Variants in GNS observed in about 807,000 individuals in gnomAD.
GNS encodes glucosamine (N-acetyl)-6-sulfatase.
A neutral mutation model predicts 69.7 loss-of-function variants in GNS; 40 were observed. The ratio of observed to expected loss-of-function variants is 0.57; its 90% CI spans 0.45 to 0.75. GNS has a LOEUF of 0.75. Ranked by LOEUF, GNS falls within the 30% of genes least tolerant of loss-of-function variation. GNS has a pLI of 0.00. For synonymous variants in GNS, 243 were observed against 251.6 expected (o/e 0.97, Z 0.32); for missense variants, 565 against 685.5 (o/e 0.82, Z 1.96).
intron 10 of GNS, among the ~76,000 whole-genome samples, chr12:64,726,929 A>T (rs1592494875): frequency 1.6e-4 from 3 of 18,696 alleles, no homozygotes; most frequent in Non-Finnish European, 2.7e-4. Flanking sequence ...ATAACACAAT[A>T]AAAAAAAAAA....
rs1317761050 is a variant in GNS, at chr12:64,715,496, T to A, written c.*1245A>T. On this transcript the variant is annotated 3_prime_UTR_variant, in exon 14 of 14. Coordinates refer to ENST00000258145, the MANE Select transcript of GNS (RefSeq NM_002076.4). ...TCATGCCATTGCACTCCAGCCTGGG[T>A]GACATAGTGAGACTCTGTCCCCACT... is the stretch of plus-strand genomic sequence containing the variant. 6.5e-6 allele frequency: 1 copy of A among 153,260 alleles called. No individual in the cohort carries two copies. The highest frequency in any genetic ancestry group is 1.5e-5 in the Non-Finnish European group (1 of 68,210). The allele number at this position is 153,260 out of a possible 1,614,324, so 9.5% of individuals were successfully genotyped here. A position where few individuals can be genotyped will look rare whatever the true frequency, so the allele number is the denominator to read the frequency against.
chr12:64,724,538 G>A (rs1170348691), intron 10 of GNS, among the ~76,000 whole-genome samples: 1 of 152,210 alleles, frequency 6.6e-6, no homozygotes, highest in Non-Finnish European at 1.5e-5. Flanking sequence ...CAGGATCTCA[G>A]AAATCATGAG....
Position 64,716,384 on chromosome 12 carries a change from A to G in GNS, c.*357T>C, listed in dbSNP as rs554471490. 5.2e-4 allele frequency: 183 copies of G among 349,536 alleles called. 2 individuals are homozygous for G. Among genetic ancestry groups the G allele is most frequent in the Middle Eastern group, 9.6e-4 (1 of 1,046 alleles). 21.7% of individuals were successfully genotyped at this position (349,536 alleles called of 1,614,324 possible). A position where few individuals can be genotyped will look rare whatever the true frequency, so the allele number is the denominator to read the frequency against. ...GTGTCTGTGTGTTTGTGTGTGTCCT[A>G]AAGTACTGCCATTTATCTGAATGGG... On this transcript the variant is annotated 3_prime_UTR_variant, in exon 14 of 14. Transcript: ENST00000258145.
chr12:64,729,081 T>C (rs767616183), intron 9 of GNS, 24 bp from the exon 10 acceptor site: 4 of 1,180,388 alleles, frequency 3.4e-6, no homozygotes, highest in South Asian at 2.4e-5. Flanking sequence ...GGAAAAACAA[T>C]CTAGAACACA....
At chr12:64,730,611 C>T (rs1248873630) in intron 9 of GNS, among the ~76,000 whole-genome samples, 2 of 152,088 alleles carry the variant, frequency 1.3e-5, no homozygotes, top group Non-Finnish European at 2.9e-5. Flanking sequence ...GAAAGGCAAT[C>T]CATATGTTAC....
intron 5 of GNS, 130 bp from the exon 6 acceptor site, chr12:64,743,438 T>C (rs1389760284): frequency 1.6e-5 from 11 of 702,858 alleles, no homozygotes; most frequent in Non-Finnish European, 2.8e-5. Context: ...CATGATCTTA[T>C]GTCATAGCCA....
Position 64,715,157 on chromosome 12 carries a change from C to T in GNS, c.*1584G>A, listed in dbSNP as rs1203839158. Reference sequence around the variant, plus strand: ...TTCCTCCTCCCCTGCTGTCTCACCACCAATTAGCCTTCTTGTGAGGACAAC... The same window carrying T: ...TTCCTCCTCCCCTGCTGTCTCACCATCAATTAGCCTTCTTGTGAGGACAAC... On this transcript the variant is annotated 3_prime_UTR_variant, in exon 14 of 14. Coordinates refer to ENST00000258145, the MANE Select transcript of GNS (RefSeq NM_002076.4). 1.3e-5 allele frequency: 2 copies of T among 152,596 alleles called. No homozygotes were observed. Among genetic ancestry groups the T allele is most frequent in the African/African-American group, 4.8e-5 (2 of 41,450 alleles). 9.5% of individuals were successfully genotyped at this position (152,596 alleles called of 1,614,324 possible).
At chr12:64,754,040 T>C (rs1033779910) in intron 1 of GNS, among the ~76,000 whole-genome samples, 3 of 152,260 alleles carry the variant, frequency 2.0e-5, no homozygotes, top group African/African-American at 7.2e-5. Context: ...GTTGACTGTA[T>C]GGGACTTAAT....
chr12:64,743,261 G>A lies in GNS; in HGVS notation c.672C>T (p.Pro224=). ...DFLDYKSNFE[P]FFMMIATPAP... ...CTGGAGTGGCGATCATCATGAAGAA[G>A]GGCTCAAAGTTGGACTTGTAGTCCA... Residue 224 remains proline, a synonymous_variant, in exon 6 of 14, where the codon CCC becomes CCT. Transcript: ENST00000258145. 1 of 1,613,314 alleles carries A rather than the reference G, an allele frequency of 6.2e-7. No individual in the cohort carries two copies. Among genetic ancestry groups the A allele is most frequent in the Non-Finnish European group, 8.5e-7 (1 of 1,179,300 alleles).
chr12:64,720,547 T>C (rs1868994401), intron 12 of GNS, among the ~76,000 whole-genome samples: 1 of 152,222 alleles, frequency 6.6e-6, no homozygotes, highest in African/African-American at 2.4e-5. Context: ...GAAACAAGAC[T>C]TGGCAATAAA....
chr12:64,749,231 G>T (rs1407893352), intron 2 of GNS, among the ~76,000 whole-genome samples: 1 of 141,996 alleles, frequency 7.0e-6, no homozygotes, highest in African/African-American at 2.7e-5. Context: ...GAGCCACTGT[G>T]CCCGGCCTTG....
At chr12:64,751,001 A>G (rs1310078783) in intron 2 of GNS, among the ~76,000 whole-genome samples, 1 of 152,232 alleles carries the variant, frequency 6.6e-6, no homozygotes, top group African/African-American at 2.4e-5. Flanking sequence ...TTTGTAAAAT[A>G]CATAGGTCAT....
intron 9 of GNS, among the ~76,000 whole-genome samples, chr12:64,732,530 G>A: frequency 7.1e-6 from 1 of 140,120 alleles, no homozygotes; most frequent in South Asian, 2.3e-4. Context: ...GTGTGATCTT[G>A]GCTCACTGCA....
chr12:64,727,026 T>C (rs918339228), intron 10 of GNS, among the ~76,000 whole-genome samples: 8 of 151,634 alleles, frequency 5.3e-5, no homozygotes, highest in East Asian at 3.9e-4. Context: ...TAACCACCAA[T>C]AGTCAGCAGG....
At position 64,737,039 on chromosome 12, in the gene GNS, G is replaced by A. The variant is rs119461974; in HGVS notation, c.1063C>T (p.Arg355Ter). ...TGATTTGGTTTGATCCCAGGTCCTC[G>A]AACCAACAGTGGAACTTTGATATCA... ...EFDIKVPLLVRGPGIKPNQTS... is the reference protein window; with the variant it reads ...EFDIKVPLLV The change falls in exon 9 of 14, where the codon CGA (arginine) becomes TGA (stop). Residue 355 changes from arginine to a stop codon, truncating the protein, a stop_gained. Coordinates refer to ENST00000258145, the MANE Select transcript of GNS (RefSeq NM_002076.4). LOFTEE classifies it high-confidence loss of function. 5.6e-6 allele frequency: 9 copies of A among 1,601,344 alleles called. No individual in the cohort carries two copies. Among genetic ancestry groups the A allele is most frequent in the South Asian group, 5.5e-5 (5 of 90,790 alleles).
intron 9 of GNS, among the ~76,000 whole-genome samples, 175 bp downstream of exon 9, chr12:64,736,829 A>G (rs1869569989): frequency 6.6e-6 from 1 of 152,208 alleles, no homozygotes; most frequent in African/African-American, 2.4e-5. Flanking sequence ...ACAGATACAG[A>G]GAGCAGTGGG....
At chr12:64,717,636 T>C (rs1398125623) in intron 13 of GNS, among the ~76,000 whole-genome samples, 2 of 151,982 alleles carry the variant, frequency 1.3e-5, no homozygotes, top group Non-Finnish European at 2.9e-5. Flanking sequence ...GTGCTGGGAT[T>C]ACAAATGTGA....
In GNS at chr12:64,752,757, T is replaced by C. The variant is rs368694583; in HGVS notation, c.193A>G (p.Thr65Ala). Residue 65 changes from threonine to alanine, a missense_variant and splice_region_variant, in exon 2 of 14, where the codon ACA becomes GCA. By Grantham distance (58) the Thr-to-Ala change is moderately conservative (BLOSUM62 0). This residue lies in a region of GNS where 181 missense variants were observed against 174.4 expected (regional missense o/e 1.04). Transcript: ENST00000258145. ...DDQDEVLGGM[T>A]PLKKTKALIG... is the part of the protein sequence containing the mutation. ...AGAGCTTTGGTTTTCTTTAGCGGTG[T>C]CTGTAAAAGTAAGTAATTATCCATT... is the stretch of plus-strand genomic sequence containing the variant. The C allele has an allele frequency of 1.4e-6, 2 of 1,402,108 alleles. No individual in the cohort carries two copies. Among genetic ancestry groups the C allele is most frequent in the East Asian group, 2.3e-5 (1 of 43,654 alleles). The allele number at this position is 1,402,108 out of a possible 1,614,324, so 86.9% of individuals were successfully genotyped here. A position where few individuals can be genotyped will look rare whatever the true frequency, so the allele number is the denominator to read the frequency against.
chr12:64,720,029 C>A lies in GNS; in HGVS notation c.1573G>T (p.Asp525Tyr), dbSNP rs1565880341. The change falls in exon 13 of 14, where the codon GAC becomes TAC. Residue 525 changes from aspartate (D) to tyrosine (Y), a missense_variant. This residue lies in a region of GNS where 384 missense variants were observed against 511.0 expected (regional missense o/e 0.75). Coordinates refer to ENST00000258145, the MANE Select transcript of GNS (RefSeq NM_002076.4). The part of the protein sequence containing the change: ...GPTCRTPGVF[D>Y]PGYRFDPRLM... ...AAGAGAAAGGAAACTTACCCGGGGT[C>A]AAAAACCCCTGGAGTGCGACAGGTT... 6.2e-7 allele frequency: 1 copy of A among 1,611,808 alleles called. No homozygotes were observed. The highest frequency in any genetic ancestry group is 1.7e-5 in the Admixed American group (1 of 59,998).
Sources: allele counts gnomAD v4.1 joint callset (sites outside exome capture counted in the v4.1 genomes callset), GRCh38; gene constraint gnomAD v4.1.1; regional missense constraint gnomAD v4.1.1; transcripts MANE v1.5; gene names NCBI Gene and HGNC (gene_info 2026-07-23, HGNC 2026-07-21).